The following FAP variants were observed in gnomAD, a reference collection of about 807,000 sequenced individuals.
FAP encodes the protein prolyl endopeptidase FAP.
A neutral mutation model predicts 126.5 loss-of-function variants in FAP; 110 were observed. The observed-to-expected ratio is 0.87, with a 90% CI of 0.74 to 1.02. The LOEUF is 1.02. Ranked by LOEUF, FAP falls within the 50% of genes least tolerant of loss-of-function variation. The pLI, the probability that FAP is intolerant of heterozygous loss-of-function variation, is 0.00. For missense variants in FAP, 919 were observed against 909.2 expected, an observed-to-expected ratio of 1.01 and a Z score of -0.14; for synonymous variants, 334 against 297.3, an observed-to-expected ratio of 1.12 and a Z score of -1.27.
intron 9 of FAP, among the ~76,000 whole-genome samples, chr2:162,216,222 C>T (rs1199083679): frequency 6.6e-6 from 1 of 152,138 alleles, no homozygotes; most frequent in African/African-American, 2.4e-5. Context: ...TGTGTTTTAA[C>T]TGCCTAATGA....
chr2:162,209,811 CACT>C, intron 12 of FAP, 138 bp downstream of exon 12: 1 of 647,494 alleles, frequency 1.5e-6, no homozygotes, highest in South Asian at 2.0e-5. Context: ...CTCAAGAGAT[CACT>C]ACCTATGTGT....
In FAP at chr2:162,209,782, A is replaced by G. The variant is rs536982861; in HGVS notation, c.1047+170T>C. 208 of 578,326 alleles carry G rather than the reference A, an allele frequency of 3.6e-4. 3 individuals are homozygous for G. In the South Asian group the frequency reaches 4.7e-3, roughly 13 times the overall value. The allele number at this position is 578,326 out of a possible 1,614,324, so 35.8% of individuals were successfully genotyped here. Reference sequence around the variant, plus strand: ...ATAGAATTCTAAAAAGGACATTGAAATTGTCCGGCACAAAATCACTCAAGA... The same window carrying G: ...ATAGAATTCTAAAAAGGACATTGAAGTTGTCCGGCACAAAATCACTCAAGA... On this transcript the variant is annotated intron_variant, in intron 12 of 25. Coordinates refer to ENST00000188790, the MANE Select transcript of FAP (RefSeq NM_004460.5).
intron 11 of FAP, among the ~76,000 whole-genome samples, chr2:162,212,996 G>A (rs940551323): frequency 8.5e-5 from 13 of 152,084 alleles, no homozygotes; most frequent in Non-Finnish European, 1.8e-4. Flanking sequence ...AGTACATGTC[G>A]GGTACTGTCC....
intron 2 of FAP, among the ~76,000 whole-genome samples, chr2:162,237,365 C>T (rs891278446): frequency 2.2e-4 from 33 of 152,236 alleles, no homozygotes; most frequent in African/African-American, 7.0e-4. Context: ...GCTATCCCTC[C>T]CCTAGTCCCC....
intron 2 of FAP, among the ~76,000 whole-genome samples, chr2:162,236,127 C>T (rs937457145): frequency 6.6e-6 from 1 of 151,994 alleles, no homozygotes; most frequent in African/African-American, 2.4e-5. Flanking sequence ...AATGATAAAC[C>T]AACCTTGTAT....
At chr2:162,220,929 T>G (rs1423466373) in intron 6 of FAP, among the ~76,000 whole-genome samples, 1 of 152,158 alleles carries the variant, frequency 6.6e-6, no homozygotes, top group East Asian at 1.9e-4. Flanking sequence ...AAAAGACTCC[T>G]GCCCAACCCC....
In FAP at chr2:162,223,661, C is replaced by T; in HGVS notation, c.361-1G>A. On this transcript the variant is annotated splice_acceptor_variant, in intron 5 of 25. Coordinates refer to ENST00000188790, the MANE Select transcript of FAP (RefSeq NM_004460.5). LOFTEE classifies it high-confidence loss of function. ...TTGCTGTGTAAGAGTATCTCCAAAG[C>T]TGTCAGAAAGAAGAAAGACAAAAAA... 2 of 1,608,102 alleles carry T rather than the reference C, an allele frequency of 1.2e-6. No individual in the cohort carries two copies. The highest frequency in any genetic ancestry group is 1.7e-6 in the Non-Finnish European group (2 of 1,175,046).
rs976717061 is a variant in FAP at position 162,203,179 on chromosome 2, A to T, written c.1048-34T>A. The T allele has an allele frequency of 7.2e-6, 10 of 1,384,882 alleles. No homozygotes were observed. In the African/African-American group the frequency reaches 1.4e-4, roughly 20 times the overall value. The allele number at this position is 1,384,882 out of a possible 1,614,324, so 85.8% of individuals were successfully genotyped here. A position where few individuals can be genotyped will look rare whatever the true frequency, so the allele number is the denominator to read the frequency against. On this transcript the variant is annotated intron_variant, in intron 12 of 25. Coordinates refer to ENST00000188790, the MANE Select transcript of FAP (RefSeq NM_004460.5). ...AATTAGCAGAGGTTATGTTCAAAAG[A>T]CAAACCAAACTAAAACCATAGATTT...
At position 162,173,204 on chromosome 2, in the gene FAP, T is replaced by G; in HGVS notation, c.2052A>C (p.Ala684=). 6.2e-7 allele frequency: 1 copy of G among 1,613,064 alleles called. No homozygotes were observed. Among genetic ancestry groups the G allele is most frequent in the South Asian group, 1.1e-5 (1 of 91,056 alleles). ...CTACATTTCTGAAATATTCTGCTCT[T>G]GCCATCACAGTTGAATTCTGGAAAA... The part of the protein sequence containing the change: ...LEHYKNSTVM[A]RAEYFRNVDY... Residue 684 remains alanine, a synonymous_variant, in exon 24 of 26, where the codon GCA becomes GCC. Transcript: ENST00000188790.
intron 11 of FAP, among the ~76,000 whole-genome samples, chr2:162,210,608 T>C (rs1026045153): frequency 6.6e-6 from 1 of 152,114 alleles, no homozygotes; most frequent in Non-Finnish European, 1.5e-5. Context: ...GGAGAATGCA[T>C]GTTTATGAGC....
Position 162,213,951 on chromosome 2 carries a change from C to G in FAP, c.989G>C (p.Trp330Ser). ...ICDFREDWQT[W>S]DCPKTQEHIE... ...AATATACCCTACCTTTGGACAATCC[C>G]ATGTCTGCCAGTCTTCCCTGAAGTC... Residue 330 changes from tryptophan to serine, a missense_variant, in exon 11 of 26, where the codon TGG becomes TCG. By Grantham distance (177) the Trp-to-Ser change is radical. Coordinates refer to ENST00000188790, the MANE Select transcript of FAP (RefSeq NM_004460.5). 6.2e-7 allele frequency: 1 copy of G among 1,613,340 alleles called. No homozygotes were observed.
intron 12 of FAP, among the ~76,000 whole-genome samples, chr2:162,204,539 T>C (rs1361082511): frequency 6.6e-6 from 1 of 152,118 alleles, no homozygotes; most frequent in East Asian, 1.9e-4. Flanking sequence ...AAGAAGACTA[T>C]GTGAAGACAG....
intron 9 of FAP, among the ~76,000 whole-genome samples, chr2:162,216,916 T>C (rs1689178950): frequency 6.6e-6 from 1 of 152,194 alleles, no homozygotes; most frequent in Non-Finnish European, 1.5e-5. Flanking sequence ...GGGTCCCAAC[T>C]TCCCAATCAG....
Position 162,194,724 on chromosome 2 carries a change from A to G in FAP, c.1427T>C (p.Leu476Pro). ...CYGPGIPIST[L>P]HDGRTDQEIK... ...ACCTTGATCAGTGCGTCCATCATGA[A>G]GGGTGGAAATGGGGATGCCTGGGCC... is the stretch of plus-strand genomic sequence containing the variant. The change falls in exon 17 of 26, where the codon CTT (leucine) becomes CCT (proline). Residue 476 changes from leucine to proline, a missense_variant. Physicochemically the swap from Leu to Pro is moderately conservative, Grantham distance 98 (BLOSUM62 -3). Coordinates refer to ENST00000188790, the MANE Select transcript of FAP (RefSeq NM_004460.5). The G allele has an allele frequency of 6.2e-7, 1 of 1,613,684 alleles. No individual in the cohort carries two copies. Among genetic ancestry groups the G allele is most frequent in the Non-Finnish European group, 8.5e-7 (1 of 1,179,696 alleles).
intron 21 of FAP, among the ~76,000 whole-genome samples, chr2:162,180,830 T>A (rs527915140): frequency 1.3e-5 from 2 of 152,164 alleles, no homozygotes; most frequent in East Asian, 1.9e-4. Context: ...TCAGCAGGCA[T>A]TTGAAACATG....
At chr2:162,234,816 C>A (rs117027526) in intron 2 of FAP, among the ~76,000 whole-genome samples, 5,336 of 152,154 alleles carry the variant, frequency 0.035, 469 homozygotes, top group Admixed American at 0.21. Flanking sequence ...CTGGGCTGGC[C>A]GAGGCTGGAG....
Position 162,223,680 on chromosome 2 carries a change from CAA to C in FAP, c.361-22_361-21del. 1 of 1,572,880 alleles carries C rather than the reference CAA, an allele frequency of 6.4e-7. No homozygotes were observed. Among genetic ancestry groups the C allele is most frequent in the Non-Finnish European group, 8.7e-7 (1 of 1,143,866 alleles). On this transcript the variant is annotated intron_variant, in intron 5 of 25. Transcript: ENST00000188790. ...CCAAAGCTGTCAGAAAGAAGAAAGA[CAA>C]AAAACAAATTGCAGTTGTTAAAAAG...
At chr2:162,230,067 A>G (rs1689833982) in intron 2 of FAP, among the ~76,000 whole-genome samples, 1 of 152,176 alleles carries the variant, frequency 6.6e-6, no homozygotes, top group African/African-American at 2.4e-5. Context: ...TTGAAACCGT[A>G]TCATATGTCA....
chr2:162,215,866 T>C (rs1689140096), intron 10 of FAP, 32 bp downstream of exon 10: 1 of 1,482,752 alleles, frequency 6.7e-7, no homozygotes, highest in Non-Finnish European at 9.4e-7. Context: ...GAATATAGGA[T>C]AGAAAGATGG....
Sources: allele counts gnomAD v4.1 joint callset (sites outside exome capture counted in the v4.1 genomes callset), GRCh38; gene constraint gnomAD v4.1.1; transcripts MANE v1.5; gene names NCBI Gene and HGNC (gene_info 2026-07-23, HGNC 2026-07-21).